Variants in NRG3 observed in about 807,000 individuals in gnomAD.
The protein encoded by NRG3 is pro-neuregulin-3, membrane-bound isoform.
In NRG3, 31 loss-of-function variants were observed where a neutral mutation model predicts 66.9. That is an observed-to-expected ratio of 0.46 (90% CI 0.35 to 0.63). The LOEUF (loss-of-function observed/expected upper bound fraction) is 0.63. NRG3 is among the 20% of genes least tolerant of loss of function. The probability of loss-of-function intolerance (pLI) is 0.00; values close to 1 mark genes in which losing one functional copy is unlikely to be tolerated. For missense variants in NRG3, 910 were observed against 878.9 expected (o/e 1.04, Z -0.45); for synonymous variants, 393 against 359.4 (o/e 1.09, Z -1.06).
intron 1 of NRG3, among the ~76,000 whole-genome samples, chr10:82,329,292 T>C (rs2082023920): frequency 6.6e-6 from 1 of 152,168 alleles, no homozygotes; most frequent in Non-Finnish European, 1.5e-5. Flanking sequence ...TGCTCTTTTA[T>C]AAAAATCTCA....
intron 1 of NRG3, among the ~76,000 whole-genome samples, chr10:82,039,983 C>A (rs746343088): frequency 2.0e-4 from 30 of 151,842 alleles, no homozygotes; most frequent in Non-Finnish European, 3.8e-4. Flanking sequence ...TTAAGCAGGC[C>A]CATGTAGATT....
intron 1 of NRG3, among the ~76,000 whole-genome samples, chr10:81,937,407 A>G (rs1847981197): frequency 6.6e-6 from 1 of 152,160 alleles, no homozygotes; most frequent in East Asian, 1.9e-4. Context: ...AAGGGTTCCA[A>G]TTTCTCCACA....
At chr10:81,921,876 A>G (rs1231455195) in intron 1 of NRG3, among the ~76,000 whole-genome samples, 3 of 152,164 alleles carry the variant, frequency 2.0e-5, no homozygotes, top group African/African-American at 7.2e-5. Context: ...TTTGAGAAGT[A>G]GGTTCTTTGC....
At chr10:82,220,039 A>G (rs1241420132) in intron 1 of NRG3, among the ~76,000 whole-genome samples, 1 of 152,032 alleles carries the variant, frequency 6.6e-6, no homozygotes, top group African/African-American at 2.4e-5. Flanking sequence ...ACCAAAGTCA[A>G]CCAGAAGACG....
At chr10:82,270,474 C>A (rs1281563034) in intron 1 of NRG3, among the ~76,000 whole-genome samples, 1 of 152,118 alleles carries the variant, frequency 6.6e-6, no homozygotes, top group Non-Finnish European at 1.5e-5. Context: ...CCTCTCATAG[C>A]ATTCATGATA....
Position 82,980,273 on chromosome 10 carries a change from A to T in NRG3, c.1583+1153A>T, listed in dbSNP as rs374185622. On this transcript the variant is annotated intron_variant, in intron 8 of 8. Transcript: ENST00000372141. ...CAACCCCCTGAAGATTGTTGGGCAG[A>T]TTTTTAAAAATTATGTGTGTAAAGA... Among the ~76,000 whole-genome samples, 47 of 152,294 alleles carry T rather than the reference A, an allele frequency of 3.1e-4. 2 individuals are homozygous for T. In the East Asian group the frequency reaches 6.0e-3, roughly 19 times the overall value.
chr10:82,305,209 A>G (rs2080657337), intron 1 of NRG3, among the ~76,000 whole-genome samples: 1 of 151,658 alleles, frequency 6.6e-6, no homozygotes, highest in South Asian at 2.1e-4. Context: ...GCTAGCCAGG[A>G]TGGTCTCAAT....
At chr10:81,979,870 GCA>G (rs2060270582) in intron 1 of NRG3, among the ~76,000 whole-genome samples, 1 of 152,160 alleles carries the variant, frequency 6.6e-6, no homozygotes, top group African/African-American at 2.4e-5. Context: ...AGTCACTCAG[GCA>G]ATCAGTCTAG....
chr10:82,904,514 A>AAGT (rs1483009310), intron 4 of NRG3, among the ~76,000 whole-genome samples: 3 of 152,168 alleles, frequency 2.0e-5, no homozygotes, highest in Non-Finnish European at 2.9e-5. Context: ...CATCAAAGTG[A>AAGT]AGTTCTAGAG....
chr10:82,700,725 G>A lies in NRG3; in HGVS notation c.954-37852G>A, dbSNP rs143962804. Among the ~76,000 whole-genome samples, 757 of 152,138 alleles carry A rather than the reference G, an allele frequency of 5.0e-3. 10 individuals are homozygous for A. The highest frequency in any genetic ancestry group is 0.018 in the African/African-American group (735 of 41,526). On this transcript the variant is annotated intron_variant, in intron 2 of 8. Coordinates refer to ENST00000372141, the MANE Select transcript of NRG3 (RefSeq NM_001010848.4). ...ATTTATGCTTTTGTTTTTTCAAAGT[G>A]ATCTTCTGTGTTCTTTGTGTCTACA...
chr10:82,110,968 A>G (rs1228997299), intron 1 of NRG3, among the ~76,000 whole-genome samples: 3 of 152,220 alleles, frequency 2.0e-5, no homozygotes, highest in Admixed American at 2.0e-4. Context: ...TTTGCTAACA[A>G]AGATGTTACC....
In NRG3 at chr10:81,918,978, C is replaced by CACACACAT. The variant is rs1236520971; in HGVS notation, c.823+42822_823+42823insTACACACA. Among the ~76,000 whole-genome samples, 44 of 150,680 alleles carry CACACACAT rather than the reference C, an allele frequency of 2.9e-4. No homozygotes were observed. The East Asian group carries it at 7.2e-3, about 25-fold the overall frequency. On this transcript the variant is annotated intron_variant, in intron 1 of 8. Coordinates refer to ENST00000372141, the MANE Select transcript of NRG3 (RefSeq NM_001010848.4). Reference sequence around the variant, plus strand: ...ACTACTATTGCATCATAACAAAACACACACACACACACACACATACATACA... The same window carrying CACACACAT: ...ACTACTATTGCATCATAACAAAACACACACACATACACACACACACACACATACATACA...
At chr10:82,639,562 A>G (rs1405077061) in intron 2 of NRG3, among the ~76,000 whole-genome samples, 1 of 152,232 alleles carries the variant, frequency 6.6e-6, no homozygotes, top group Non-Finnish European at 1.5e-5. Context: ...ATTTAGCTGG[A>G]AAGATGTTCA....
At chr10:82,443,815 T>A (rs1324305126) in intron 2 of NRG3, among the ~76,000 whole-genome samples, 1 of 152,196 alleles carries the variant, frequency 6.6e-6, no homozygotes, top group Non-Finnish European at 1.5e-5. Flanking sequence ...CTGGGCCAGT[T>A]GTCTTCAAAC....
intron 1 of NRG3, among the ~76,000 whole-genome samples, chr10:82,004,605 G>A (rs2061313808): frequency 6.6e-6 from 1 of 152,256 alleles, no homozygotes; most frequent in South Asian, 2.1e-4. Flanking sequence ...GGTTTAAATT[G>A]TTTCCTCTCT....
At chr10:82,376,482 C>T (rs1013968597) in intron 2 of NRG3, among the ~76,000 whole-genome samples, 2 of 152,184 alleles carry the variant, frequency 1.3e-5, no homozygotes, top group African/African-American at 4.8e-5. Flanking sequence ...GTATTTCACC[C>T]TCACTTTACC....
intron 3 of NRG3, among the ~76,000 whole-genome samples, chr10:82,817,300 G>GA (rs2061753319): frequency 6.6e-6 from 1 of 152,176 alleles, no homozygotes; most frequent in Admixed American, 6.5e-5. Flanking sequence ...TAATAGCTGA[G>GA]AAAACTGAAG....
intron 1 of NRG3, among the ~76,000 whole-genome samples, chr10:81,883,432 A>G (rs1842352448): frequency 6.6e-6 from 1 of 152,208 alleles, no homozygotes; most frequent in Non-Finnish European, 1.5e-5. Flanking sequence ...AAAAGGGATC[A>G]GTCAGAAGCA....
chr10:82,373,509 C>T (rs550487162), intron 2 of NRG3, among the ~76,000 whole-genome samples: 2 of 152,272 alleles, frequency 1.3e-5, no homozygotes, highest in Admixed American at 1.3e-4. Context: ...GGCAGAAATT[C>T]AATTAGGAAC....
Sources: allele counts gnomAD v4.1 joint callset (sites outside exome capture counted in the v4.1 genomes callset), GRCh38; gene constraint gnomAD v4.1.1; transcripts MANE v1.5; gene names NCBI Gene and HGNC (gene_info 2026-07-23, HGNC 2026-07-21).